The following MDFIC variants were observed in gnomAD, a reference collection of about 807,000 sequenced individuals.
The protein encoded by MDFIC is MyoD family inhibitor domain containing.
A neutral mutation model predicts 23.2 loss-of-function variants in MDFIC; 17 were observed. That is an observed-to-expected ratio of 0.73 (90% confidence interval 0.50 to 1.10). MDFIC has a LOEUF of 1.10. MDFIC is among the 50% of genes least tolerant of loss of function. The probability of loss-of-function intolerance (pLI) is 0.00; values close to 1 mark genes in which losing one functional copy is unlikely to be tolerated. For missense variants in MDFIC, 356 were observed against 316.6 expected (o/e 1.12, Z -0.95); for synonymous variants, 120 against 115.2 (o/e 1.04, Z -0.27).
Position 115,016,132 on chromosome 7 carries a change from A to G in MDFIC, c.*197A>G. 1 of 554,732 alleles carries G rather than the reference A, an allele frequency of 1.8e-6. No homozygotes were observed. Among genetic ancestry groups the G allele is most frequent in the African/African-American group, 1.9e-5 (1 of 52,936 alleles). 34.4% of individuals were successfully genotyped at this position (554,732 alleles called of 1,614,324 possible). On this transcript the variant is annotated 3_prime_UTR_variant, in exon 5 of 5. Coordinates refer to ENST00000393486, the MANE Select transcript of MDFIC (RefSeq NM_001166345.3). ...AATATGTGAAATTTTAACTACTTTA[A>G]CTAGTTTTATAAATTTCTTAATATG...
At chr7:114,941,729 C>A (rs1189105215) in intron 2 of MDFIC, among the ~76,000 whole-genome samples, 1 of 152,142 alleles carries the variant, frequency 6.6e-6, no homozygotes, top group Non-Finnish European at 1.5e-5. Context: ...AACCCACTTG[C>A]GAATCTCTCG....
chr7:114,987,694 T>C (rs1222406111), intron 4 of MDFIC, among the ~76,000 whole-genome samples: 1 of 152,154 alleles, frequency 6.6e-6, no homozygotes, highest in East Asian at 1.9e-4. Flanking sequence ...GGAGTGTGTG[T>C]ATGGAGAGTA....
At chr7:114,997,095 CACCCTTTTAG>C (rs1791348796) in intron 4 of MDFIC, among the ~76,000 whole-genome samples, 1 of 152,154 alleles carries the variant, frequency 6.6e-6, no homozygotes, top group African/African-American at 2.4e-5. Flanking sequence ...TGGTGACCTT[CACCCTTTTAG>C]TGTTGTGATC....
chr7:114,976,994 A>G (rs552874728), intron 3 of MDFIC, among the ~76,000 whole-genome samples: 1 of 152,292 alleles, frequency 6.6e-6, no homozygotes, highest in Non-Finnish European at 1.5e-5. Context: ...AGTTCTTCAT[A>G]GTCTTATGTA....
At chr7:114,979,944 T>C in intron 4 of MDFIC, 163 bp downstream of exon 4, 1 of 854,742 alleles carries the variant, frequency 1.2e-6, no homozygotes, top group South Asian at 1.5e-5. Context: ...AAGCACAAGA[T>C]AGAAAAGGAA....
At chr7:114,978,711 A>G (rs2115955788) in intron 3 of MDFIC, among the ~76,000 whole-genome samples, 1 of 152,148 alleles carries the variant, frequency 6.6e-6, no homozygotes. Flanking sequence ...AATGTTCCCC[A>G]GAACATCCAA....
chr7:114,928,861 G>A (rs571857625), intron 2 of MDFIC, among the ~76,000 whole-genome samples: 3 of 152,282 alleles, frequency 2.0e-5, no homozygotes, highest in African/African-American at 7.2e-5. Context: ...GGCAGCACCA[G>A]TAGGAGTAAA....
chr7:114,979,442 C>A, intron 3 of MDFIC, 64 bp from the exon 4 acceptor site: 1 of 1,460,728 alleles, frequency 6.8e-7, no homozygotes, highest in South Asian at 1.4e-5. Context: ...AATGTATTTT[C>A]ATTATTTTAA....
intron 3 of MDFIC, among the ~76,000 whole-genome samples, chr7:114,970,224 G>C (rs752563890): frequency 1.3e-5 from 2 of 152,156 alleles, no homozygotes; most frequent in African/African-American, 4.8e-5. Flanking sequence ...CTGAGAAGGG[G>C]TTCAGGGAGG....
intron 4 of MDFIC, among the ~76,000 whole-genome samples, chr7:114,996,108 C>T (rs1791321549): frequency 6.6e-6 from 1 of 152,174 alleles, no homozygotes; most frequent in African/African-American, 2.4e-5. Flanking sequence ...CTGCATCAGG[C>T]TATGGCAGAT....
rs1198905483 is a variant in MDFIC at position 114,979,773 on chromosome 7, C to T, written c.485C>T (p.Ser162Leu). The change falls in exon 4 of 5, where the codon TCA becomes TTA. Residue 162 changes from serine (S) to leucine (L), a missense_variant. Physicochemically the swap from Ser to Leu is moderately radical, Grantham distance 145 (BLOSUM62 -2). Transcript: ENST00000393486. ...GTCTTTTCCCAAAAGACAGGCTCTT[C>T]ACCTGAAGGTAAGTTTGAGATATAT... is the stretch of plus-strand genomic sequence containing the variant. ...NAVFSQKTGS[S>L]PEDCCVHCIL... 6.2e-7 allele frequency: 1 copy of T among 1,613,280 alleles called. No homozygotes were observed. The highest frequency in any genetic ancestry group is 8.5e-7 in the Non-Finnish European group (1 of 1,179,470).
At chr7:115,010,885 AACTTAGTGATG>A (rs1791669148) in intron 4 of MDFIC, among the ~76,000 whole-genome samples, 1 of 152,182 alleles carries the variant, frequency 6.6e-6, no homozygotes, top group Admixed American at 6.5e-5. Flanking sequence ...TTAATTCTTC[AACTTAGTGATG>A]ACTTGTTCTT....
chr7:114,925,205 A>G (rs547402304), intron 2 of MDFIC, among the ~76,000 whole-genome samples: 1 of 152,300 alleles, frequency 6.6e-6, no homozygotes, highest in South Asian at 2.1e-4. Context: ...ATATATATAT[A>G]GGTAAATAAT....
chr7:114,991,095 G>T (rs558941371), intron 4 of MDFIC, among the ~76,000 whole-genome samples: 2 of 152,012 alleles, frequency 1.3e-5, no homozygotes, highest in Non-Finnish European at 2.9e-5. Flanking sequence ...TTCTCTGATG[G>T]CCAGTGATGA....
At chr7:114,975,136 A>G (rs1793285596) in intron 3 of MDFIC, among the ~76,000 whole-genome samples, 1 of 152,070 alleles carries the variant, frequency 6.6e-6, no homozygotes, top group African/African-American at 2.4e-5. Context: ...ATGATATAAC[A>G]GATGCTGAAT....
chr7:114,927,325 CTT>C (rs10686214), intron 2 of MDFIC, among the ~76,000 whole-genome samples: 2 of 141,778 alleles, frequency 1.4e-5, no homozygotes, highest in Non-Finnish European at 3.1e-5. Context: ...AAAAACAGTC[CTT>C]TTTTTTTTTT....
chr7:115,012,385 A>ATGTG, intron 4 of MDFIC, among the ~76,000 whole-genome samples: 1 of 152,330 alleles, frequency 6.6e-6, no homozygotes, highest in Middle Eastern at 3.4e-3. Context: ...ATGAGACGCC[A>ATGTG]TTTCACACAC....
chr7:114,991,747 C>A lies in MDFIC; in HGVS notation c.493+11966C>A, dbSNP rs575020046. ...TACCAGTACCATGCTGTTTTGGTTA[C>A]TGTAGCCTTGTAGTATAGTTTGAAC... On this transcript the variant is annotated intron_variant, in intron 4 of 4. Transcript: ENST00000393486. 2.2e-3 allele frequency among the ~76,000 whole-genome samples: 330 copies of A among 152,338 alleles called. 1 individual carries two copies. Among genetic ancestry groups the A allele is most frequent in the African/African-American group, 7.7e-3 (320 of 41,570 alleles).
intron 4 of MDFIC, among the ~76,000 whole-genome samples, chr7:115,011,599 G>A (rs1791683666): frequency 1.3e-5 from 2 of 152,140 alleles, no homozygotes; most frequent in African/African-American, 2.4e-5. Flanking sequence ...AAAATAAAAT[G>A]ATATTTTAAC....
Sources: gnomAD v4.1 joint callset for allele counts (sites outside exome capture counted in the v4.1 genomes callset) on GRCh38, gnomAD v4.1.1 for gene constraint, MANE v1.5 for transcripts, NCBI Gene and HGNC (gene_info 2026-07-23, HGNC 2026-07-21) for gene names.